CERT1: variants seen among roughly 807,000 people sequenced by gnomAD.
CERT1 encodes ceramide transfer protein.
A neutral mutation model predicts 87.9 loss-of-function variants in CERT1; 31 were observed. The observed-to-expected ratio is 0.35, with a 90% confidence interval of 0.27 to 0.48. The LOEUF (loss-of-function observed/expected upper bound fraction) is 0.48. Among genes scored for constraint, CERT1 ranks in the 20% least tolerant of loss-of-function variants. The pLI is 0.99. For synonymous variants in CERT1, 289 were observed against 250.9 expected (o/e 1.15, Z -1.44); for missense variants, 487 against 758.0 (o/e 0.64, Z 4.20).
At chr5:75,498,028 T>C (rs969603833) in intron 2 of CERT1, among the ~76,000 whole-genome samples, 5 of 152,222 alleles carry the variant, frequency 3.3e-5, no homozygotes, top group African/African-American at 4.8e-5. Flanking sequence ...CAGATGGAGA[T>C]GCAGAACTTG....
chr5:75,481,544 A>C lies in CERT1; in HGVS notation c.232-22363T>G, dbSNP rs138204437. On this transcript the variant is annotated intron_variant, in intron 2 of 16. Coordinates refer to ENST00000643780, the MANE Select transcript of CERT1 (RefSeq NM_001379029.1). Reference sequence around the variant, plus strand: ...TTAATAAAAATGTGCTTAACAGCCTAAGAGGAACAGACTCCCAAAGTCAGT... The same window carrying C: ...TTAATAAAAATGTGCTTAACAGCCTCAGAGGAACAGACTCCCAAAGTCAGT... Among the ~76,000 whole-genome samples, 165 of 152,338 alleles carry C rather than the reference A, an allele frequency of 1.1e-3. 2 individuals carry two copies. Among genetic ancestry groups the C allele is most frequent in the African/African-American group, 3.8e-3 (158 of 41,592 alleles).
At chr5:75,446,756 C>A (rs1029562970) in intron 3 of CERT1, among the ~76,000 whole-genome samples, 1 of 152,216 alleles carries the variant, frequency 6.6e-6, no homozygotes, top group Non-Finnish European at 1.5e-5. Context: ...TCTAGCCCTG[C>A]ACCTTTCCCT....
At chr5:75,395,272 A>G (rs1762200400) in intron 11 of CERT1, among the ~76,000 whole-genome samples, 1 of 152,234 alleles carries the variant, frequency 6.6e-6, no homozygotes, top group Admixed American at 6.5e-5. Flanking sequence ...TTATGAATCT[A>G]AATTCTTTCT....
intron 3 of CERT1, among the ~76,000 whole-genome samples, chr5:75,448,449 T>C (rs992851500): frequency 2.0e-5 from 3 of 152,342 alleles, no homozygotes; most frequent in Non-Finnish European, 2.9e-5. Flanking sequence ...ATGTTGTTTT[T>C]CATTCTCAGT....
At chr5:75,497,142 CAG>C (rs1161879543) in intron 2 of CERT1, among the ~76,000 whole-genome samples, 1 of 152,112 alleles carries the variant, frequency 6.6e-6, no homozygotes, top group East Asian at 1.9e-4. Context: ...AATTTCTGAA[CAG>C]AGTTGCATGA....
intron 2 of CERT1, among the ~76,000 whole-genome samples, chr5:75,502,558 A>C (rs1767424833): frequency 6.6e-6 from 1 of 152,148 alleles, no homozygotes; most frequent in African/African-American, 2.4e-5. Context: ...AACAAGGTGC[A>C]GAACAATAGG....
chr5:75,472,693 T>A (rs1765768980), intron 2 of CERT1, among the ~76,000 whole-genome samples: 1 of 152,088 alleles, frequency 6.6e-6, no homozygotes, highest in Non-Finnish European at 1.5e-5. Flanking sequence ...ATCAGGCAAA[T>A]ACAAATGAAA....
chr5:75,387,683 G>A (rs1230663729), intron 12 of CERT1, among the ~76,000 whole-genome samples: 13 of 150,022 alleles, frequency 8.7e-5, no homozygotes, highest in East Asian at 2.0e-4. Flanking sequence ...CGGAGGCTGC[G>A]ATAAGCCAAG....
At chr5:75,451,823 C>T (rs942341310) in intron 3 of CERT1, among the ~76,000 whole-genome samples, 1 of 152,056 alleles carries the variant, frequency 6.6e-6, no homozygotes, top group Non-Finnish European at 1.5e-5. Context: ...GTAGAAATTG[C>T]TCCTAAAATT....
rs532343134 is a variant in CERT1, at chr5:75,426,578, C to A, written c.349-100G>T. ...TTAACAAGGTTATTATAACAATTGG[C>A]AGTCTGGGTGCACATAAGATATATA... is the stretch of plus-strand genomic sequence containing the variant. On this transcript the variant is annotated intron_variant, in intron 3 of 16. Coordinates refer to ENST00000643780, the MANE Select transcript of CERT1 (RefSeq NM_001379029.1). 15 of 782,626 alleles carry A rather than the reference C, an allele frequency of 1.9e-5. No individual in the cohort carries two copies. In the East Asian group the frequency reaches 4.1e-4, roughly 21 times the overall value. The allele number at this position is 782,626 out of a possible 1,614,324, so 48.5% of individuals were successfully genotyped here. A position where few individuals can be genotyped will look rare whatever the true frequency, so the allele number is the denominator to read the frequency against.
intron 12 of CERT1, among the ~76,000 whole-genome samples, chr5:75,386,315 A>G (rs190185989): frequency 1.7e-4 from 25 of 150,776 alleles, no homozygotes; most frequent in Non-Finnish European, 1.9e-4. Context: ...GGCATTATTT[A>G]CCATTCTCAA....
At chr5:75,406,418 A>G (rs1386862471) in intron 8 of CERT1, among the ~76,000 whole-genome samples, 1 of 152,242 alleles carries the variant, frequency 6.6e-6, no homozygotes, top group Non-Finnish European at 1.5e-5. Flanking sequence ...ATACATTATG[A>G]TAACTGTCTA....
At chr5:75,474,369 G>GGTGTCTGAGAGGTT (rs1478051578) in intron 2 of CERT1, among the ~76,000 whole-genome samples, 3 of 152,066 alleles carry the variant, frequency 2.0e-5, no homozygotes, top group African/African-American at 4.8e-5. Flanking sequence ...TCTACAACTC[G>GGTGTCTGAGAGGTT]GTGTCTGAGA....
intron 2 of CERT1, among the ~76,000 whole-genome samples, chr5:75,468,689 T>C (rs997162198): frequency 6.6e-6 from 1 of 152,186 alleles, no homozygotes; most frequent in African/African-American, 2.4e-5. Context: ...CAACAGATTC[T>C]AGTCTATTGT....
chr5:75,505,767 C>G, intron 2 of CERT1: 1 of 332,464 alleles, frequency 3.0e-6, no homozygotes, highest in Non-Finnish European at 5.4e-6. Context: ...GTTTGATATA[C>G]CCACCAGATA....
At chr5:75,507,899 T>C (rs1056477785) in intron 1 of CERT1, among the ~76,000 whole-genome samples, 3 of 152,214 alleles carry the variant, frequency 2.0e-5, no homozygotes, top group Admixed American at 6.5e-5. Context: ...CTTTCCTTCA[T>C]AGTAAACCCT....
chr5:75,470,451 T>C (rs1485921637), intron 2 of CERT1, among the ~76,000 whole-genome samples: 1 of 152,080 alleles, frequency 6.6e-6, no homozygotes, highest in African/African-American at 2.4e-5. Context: ...GATGCAATGA[T>C]CCAACAATGG....
intron 11 of CERT1, among the ~76,000 whole-genome samples, chr5:75,391,158 T>C (rs538581276): frequency 3.9e-4 from 59 of 152,276 alleles, no homozygotes; most frequent in Non-Finnish European, 5.9e-4. Context: ...GGTCTCGCCA[T>C]CTGGCCCAGG....
intron 2 of CERT1, among the ~76,000 whole-genome samples, chr5:75,464,554 G>A (rs1438514322): frequency 6.6e-6 from 1 of 152,074 alleles, no homozygotes; most frequent in Non-Finnish European, 1.5e-5. Context: ...TGTTGCCCAG[G>A]GTGGTCTGGT....
Sources: allele counts gnomAD v4.1 joint callset (sites outside exome capture counted in the v4.1 genomes callset), GRCh38; gene constraint gnomAD v4.1.1; transcripts MANE v1.5; gene names NCBI Gene and HGNC (gene_info 2026-07-23, HGNC 2026-07-21).